FKBP5: variants seen among roughly 807,000 people sequenced by gnomAD.
The protein encoded by FKBP5 is peptidyl-prolyl cis-trans isomerase FKBP5.
FKBP5 carries 23 observed loss-of-function variants against 50.5 expected under a neutral mutation model. The observed-to-expected ratio is 0.46, with a 90% CI of 0.33 to 0.65. The LOEUF (loss-of-function observed/expected upper bound fraction) is 0.65, where lower values mean the gene tolerates loss of function less well. Ranked by LOEUF, FKBP5 falls within the 30% of genes least tolerant of loss-of-function variation. FKBP5 has a pLI of 0.02. For missense variants in FKBP5, 411 were observed against 553.1 expected (o/e 0.74, Z 2.58); for synonymous variants, 176 against 190.6 (o/e 0.92, Z 0.63).
In FKBP5 at chr6:35,669,466, T is replaced by C. The variant is rs1161713085; in HGVS notation, c.-20+19338A>G. ...AATTAAATACATACATATTTCAGTT[T>C]TCAAAAGAGCATGGTTTTCAGTAAA... is the stretch of plus-strand genomic sequence containing the variant. On this transcript the variant is annotated intron_variant, in intron 1 of 10. Coordinates refer to ENST00000357266, the MANE Select transcript of FKBP5 (RefSeq NM_004117.4). 3.3e-5 allele frequency among the ~76,000 whole-genome samples: 5 copies of C among 152,236 alleles called. No homozygotes were observed. The East Asian group carries it at 9.6e-4, about 29-fold the overall frequency.
upstream of FKBP5, among the ~76,000 whole-genome samples, chr6:35,693,804 A>G (rs1766040595): frequency 6.6e-6 from 1 of 152,132 alleles, no homozygotes; most frequent in Admixed American, 6.5e-5. Flanking sequence ...TACAGGTGTG[A>G]GCCACTGTGC....
upstream of FKBP5, among the ~76,000 whole-genome samples, chr6:35,690,520 G>A (rs1263183817): frequency 1.3e-5 from 2 of 151,572 alleles, no homozygotes; most frequent in Non-Finnish European, 2.9e-5. Context: ...AGCCAAGACT[G>A]AAACCGCCTC....
intron 2 of FKBP5, among the ~76,000 whole-genome samples, chr6:35,702,351 G>A (rs1473363993): frequency 3.9e-5 from 5 of 126,734 alleles, no homozygotes; most frequent in Admixed American, 8.4e-5. Flanking sequence ...CATGTACCCC[G>A]AACCTACAAT....
intron 3 of FKBP5, among the ~76,000 whole-genome samples, chr6:35,623,678 TC>T (rs1450344356): frequency 2.0e-5 from 3 of 151,854 alleles, no homozygotes; most frequent in East Asian, 3.9e-4. Flanking sequence ...CAAGCGGTCC[TC>T]CCACCTTAGC....
intron 6 of FKBP5, among the ~76,000 whole-genome samples, chr6:35,591,522 T>C (rs1762819176): frequency 6.6e-6 from 1 of 152,184 alleles, no homozygotes. Flanking sequence ...TTTTCTCTAC[T>C]TGATTTCATA....
At chr6:35,615,155 T>TAC (rs34301531) in intron 5 of FKBP5, among the ~76,000 whole-genome samples, 72,484 of 143,078 alleles carry the variant, frequency 0.51, 18,403 homozygotes, top group East Asian at 0.67. Flanking sequence ...CAACAACAAC[T>TAC]ACACACACAC....
intron 8 of FKBP5, chr6:35,584,158 T>C (rs1163918332): frequency 2.0e-6 from 2 of 985,348 alleles, no homozygotes; most frequent in African/African-American, 3.5e-5. Flanking sequence ...TTTAACTCGC[T>C]TGCACAATGC....
chr6:35,586,967 C>G (rs777554963), intron 8 of FKBP5, 67 bp downstream of exon 8: 48 of 1,609,738 alleles, frequency 3.0e-5, no homozygotes, highest in Non-Finnish European at 3.8e-5. Context: ...TAGGGAATAT[C>G]AGCACAATTC....
At chr6:35,687,291 C>G (rs1428991378) in intron 1 of FKBP5, among the ~76,000 whole-genome samples, 1 of 152,126 alleles carries the variant, frequency 6.6e-6, no homozygotes, top group Non-Finnish European at 1.5e-5. Context: ...TATAGAATCT[C>G]TAAATTGGTC....
intron 2 of FKBP5, among the ~76,000 whole-genome samples, chr6:35,695,688 C>T (rs1663632165): frequency 6.6e-6 from 1 of 152,060 alleles, no homozygotes; most frequent in African/African-American, 2.4e-5. Context: ...TAACAAAAAT[C>T]AATTGTATTT....
intron 1 of FKBP5, among the ~76,000 whole-genome samples, chr6:35,725,056 G>T (rs1766677351): frequency 1.3e-5 from 2 of 152,286 alleles, no homozygotes; most frequent in Admixed American, 6.5e-5. Context: ...CCATCAATGT[G>T]AATAATAATA....
intron 1 of FKBP5, among the ~76,000 whole-genome samples, chr6:35,649,469 T>G (rs1252801564): frequency 1.3e-5 from 2 of 151,770 alleles, no homozygotes; most frequent in African/African-American, 4.8e-5. Context: ...GCCTCGACCT[T>G]CTGGGAGGTG....
intron 3 of FKBP5, among the ~76,000 whole-genome samples, chr6:35,627,057 C>T (rs181392730): frequency 2.6e-5 from 4 of 152,226 alleles, no homozygotes; most frequent in Admixed American, 2.6e-4. Context: ...ACTTCCATAC[C>T]GTTTTCCACA....
chr6:35,582,938 C>T (rs954673863), intron 8 of FKBP5: 1 of 866,426 alleles, frequency 1.2e-6, no homozygotes, highest in Admixed American at 6.2e-5. Context: ...AAGACTTTTT[C>T]TAAAGTGGTG....
At chr6:35,672,079 A>T (rs1765402938) in intron 1 of FKBP5, among the ~76,000 whole-genome samples, 1 of 152,160 alleles carries the variant, frequency 6.6e-6, no homozygotes, top group Non-Finnish European at 1.5e-5. Flanking sequence ...TGTGTTAGCC[A>T]GGATGGTCTC....
intron 6 of FKBP5, among the ~76,000 whole-genome samples, chr6:35,596,660 C>T (rs1477764767): frequency 6.6e-6 from 1 of 152,134 alleles, no homozygotes; most frequent in Non-Finnish European, 1.5e-5. Context: ...TCTAAAAATA[C>T]TACTAAACAT....
At chr6:35,599,469 T>TA (rs1763080018) in intron 5 of FKBP5, among the ~76,000 whole-genome samples, 1 of 152,244 alleles carries the variant, frequency 6.6e-6, no homozygotes, top group Non-Finnish European at 1.5e-5. Context: ...TAAAGCGTTC[T>TA]ACCCTTTTCT....
intron 2 of FKBP5, among the ~76,000 whole-genome samples, chr6:35,637,588 C>T (rs906698198): frequency 2.2e-4 from 33 of 151,832 alleles, no homozygotes; most frequent in African/African-American, 7.5e-4. Context: ...CTCAGCCTCC[C>T]GAGTAGCTGG....
intron 9 of FKBP5, among the ~76,000 whole-genome samples, chr6:35,579,452 GAACGATACAT>G (rs1395512013): frequency 6.6e-6 from 1 of 151,990 alleles, no homozygotes; most frequent in Non-Finnish European, 1.5e-5. Context: ...AAATATATCA[GAACGATACAT>G]AACGATACAG....
Sources: gnomAD v4.1 joint callset for allele counts (sites outside exome capture counted in the v4.1 genomes callset) on GRCh38, gnomAD v4.1.1 for gene constraint, MANE v1.5 for transcripts, NCBI Gene and HGNC (gene_info 2026-07-23, HGNC 2026-07-21) for gene names.